ANKDD1A: variants seen among roughly 807,000 people sequenced by gnomAD.
The protein encoded by ANKDD1A is ankyrin repeat and death domain-containing protein 1A.
ANKDD1A carries 59 observed loss-of-function variants against 63.5 expected under a neutral mutation model. That is an observed-to-expected ratio of 0.93 (90% CI 0.75 to 1.15). The LOEUF (loss-of-function observed/expected upper bound fraction) is 1.15. ANKDD1A is among the 50% of genes most tolerant of loss of function. ANKDD1A has a pLI of 0.00. For missense variants in ANKDD1A, 632 were observed against 656.4 expected, an observed-to-expected ratio of 0.96 and a Z score of 0.41; for synonymous variants, 266 against 263.9, an observed-to-expected ratio of 1.01 and a Z score of -0.08.
rs2085300758 is a variant in ANKDD1A at position 64,952,186 on chromosome 15, AC to A, written c.1483+2215del. Among the ~76,000 whole-genome samples, 3 of 115,254 alleles carry A rather than the reference AC, an allele frequency of 2.6e-5. No individual in the cohort carries two copies. The Admixed American group carries it at 2.7e-4, about 10-fold the overall frequency. 75.6% of individuals were successfully genotyped at this position (115,254 alleles called of 152,430 possible). A position where few individuals can be genotyped will look rare whatever the true frequency, so the allele number is the denominator to read the frequency against. ...ATCTTTTTCTTTCTTCTTTCCTTCT[AC>A]TTTTTCTTCTTCTTCTTTCCTCTTT... On this transcript the variant is annotated intron_variant, in intron 14 of 14. Coordinates refer to ENST00000319580, the MANE Select transcript of ANKDD1A (RefSeq NM_182703.6).
At chr15:64,938,112 TATAA>T (rs913464728) in intron 9 of ANKDD1A, among the ~76,000 whole-genome samples, 17 of 152,232 alleles carry the variant, frequency 1.1e-4, no homozygotes, top group Non-Finnish European at 2.2e-4. Flanking sequence ...TCCATACTGA[TATAA>T]ATAAATGATT....
intron 12 of ANKDD1A, 55 bp downstream of exon 12, chr15:64,944,802 C>T: frequency 1.9e-6 from 3 of 1,583,202 alleles, no homozygotes; most frequent in Non-Finnish European, 2.6e-6. Context: ...GATTTTGGCT[C>T]CAGATGGAGC....
chr15:64,953,556 T>TTCTTAG (rs2085346814), intron 14 of ANKDD1A, among the ~76,000 whole-genome samples: 1 of 80,150 alleles, frequency 1.2e-5, no homozygotes, highest in South Asian at 5.9e-4. Flanking sequence ...CTTCTCCTTC[T>TTCTTAG]TTCTTCCTCC....
chr15:64,936,317 G>A (rs1254373311), intron 9 of ANKDD1A, among the ~76,000 whole-genome samples: 3 of 151,994 alleles, frequency 2.0e-5, no homozygotes, highest in African/African-American at 7.2e-5. Flanking sequence ...ATGCTTACTT[G>A]TTTCTGCCCA....
chr15:64,947,813 CA>C (rs764199886), intron 13 of ANKDD1A, among the ~76,000 whole-genome samples: 1 of 152,194 alleles, frequency 6.6e-6, no homozygotes, highest in Non-Finnish European at 1.5e-5. Flanking sequence ...CATTCTTCAC[CA>C]ATCAGCCCAA....
chr15:64,913,658 A>G (rs1173938165), intron 1 of ANKDD1A, among the ~76,000 whole-genome samples: 1 of 152,120 alleles, frequency 6.6e-6, no homozygotes, highest in East Asian at 1.9e-4. Context: ...AAAGCTCAAG[A>G]TCCTCTTTCT....
chr15:64,931,755 G>C (rs2085093654), intron 8 of ANKDD1A, 170 bp downstream of exon 8: 1 of 677,618 alleles, frequency 1.5e-6, no homozygotes, highest in Admixed American at 2.6e-5. Flanking sequence ...CCTGGAGCAA[G>C]TTACTTAACC....
intron 1 of ANKDD1A, among the ~76,000 whole-genome samples, chr15:64,914,848 A>G (rs2084957661): frequency 6.6e-6 from 1 of 152,206 alleles, no homozygotes; most frequent in African/African-American, 2.4e-5. Flanking sequence ...TGTGCGTGAC[A>G]GGGGTTGGCA....
At chr15:64,934,808 T>C (rs918510098) in intron 9 of ANKDD1A, among the ~76,000 whole-genome samples, 2 of 151,944 alleles carry the variant, frequency 1.3e-5, no homozygotes, top group African/African-American at 4.8e-5. Context: ...TGAGTCACTG[T>C]GCCAAGCCTA....
At chr15:64,939,409 G>A (rs1388776395) in intron 9 of ANKDD1A, among the ~76,000 whole-genome samples, 1 of 151,928 alleles carries the variant, frequency 6.6e-6, no homozygotes, top group Admixed American at 6.6e-5. Flanking sequence ...TTGAGGTTAG[G>A]AGTTCAAGAC....
chr15:64,949,607 T>C (rs2085252969), intron 13 of ANKDD1A, among the ~76,000 whole-genome samples: 1 of 152,192 alleles, frequency 6.6e-6, no homozygotes, highest in Non-Finnish European at 1.5e-5. Context: ...GGGGAGGTTC[T>C]AGAGACCAAG....
intron 14 of ANKDD1A, among the ~76,000 whole-genome samples, chr15:64,953,781 C>T (rs1479066927): frequency 1.4e-5 from 2 of 140,222 alleles, no homozygotes; most frequent in African/African-American, 5.3e-5. Flanking sequence ...TCCCTCTTTT[C>T]TTTCTTCTGC....
At chr15:64,913,963 T>C (rs1350759085) in intron 1 of ANKDD1A, 1 of 151,600 alleles carries the variant, frequency 6.6e-6, no homozygotes, top group Admixed American at 6.6e-5. Context: ...GTGTCACTCA[T>C]ACAAGCAGAG....
At chr15:64,937,696 C>G (rs939968667) in intron 9 of ANKDD1A, among the ~76,000 whole-genome samples, 1 of 151,820 alleles carries the variant, frequency 6.6e-6, no homozygotes, top group African/African-American at 2.4e-5. Context: ...CCACTGTACT[C>G]CAGCCTGGAT....
chr15:64,951,516 CTGTT>C (rs1274518495), intron 14 of ANKDD1A: 3 of 107,378 alleles, frequency 2.8e-5, no homozygotes, highest in African/African-American at 1.1e-4. Flanking sequence ...TTCCTTCTTC[CTGTT>C]TTCTTCTTCC....
At chr15:64,953,838 CTTCTT>C (rs1352328519) in intron 14 of ANKDD1A, among the ~76,000 whole-genome samples, 3 of 11,740 alleles carry the variant, frequency 2.6e-4, no homozygotes, top group African/African-American at 3.7e-4. Context: ...CTTCTTTCCT[CTTCTT>C]TTCTTCTTTC....
In ANKDD1A at chr15:64,934,666, ATT is replaced by A. The variant is rs557531003; in HGVS notation, c.867+449_867+450del. 4.0e-3 allele frequency among the ~76,000 whole-genome samples: 476 copies of A among 119,888 alleles called. 2 individuals are homozygous for A. The highest frequency in any genetic ancestry group is 0.015 in the South Asian group (56 of 3,620). The allele number at this position is 119,888 out of a possible 152,430, so 78.7% of individuals were successfully genotyped here. A position where few individuals can be genotyped will look rare whatever the true frequency, so the allele number is the denominator to read the frequency against. On this transcript the variant is annotated intron_variant, in intron 9 of 14. Coordinates refer to ENST00000319580, the MANE Select transcript of ANKDD1A (RefSeq NM_182703.6). ...AGGCACACACCACCATGCCCAGCTAATTTTTTTTTTTTTTTTTTGTATTTTTG... is the reference window on the plus strand; with the variant it reads ...AGGCACACACCACCATGCCCAGCTAATTTTTTTTTTTTTTTTGTATTTTTG...
intron 13 of ANKDD1A, among the ~76,000 whole-genome samples, chr15:64,948,992 T>C (rs1280797018): frequency 6.6e-6 from 1 of 152,110 alleles, no homozygotes; most frequent in Non-Finnish European, 1.5e-5. Flanking sequence ...AGATAGTTAA[T>C]AAATGGTGTT....
chr15:64,942,326 G>T (rs2085190493), intron 9 of ANKDD1A, 141 bp from the exon 10 acceptor site: 2 of 544,364 alleles, frequency 3.7e-6, no homozygotes, highest in South Asian at 5.7e-5. Flanking sequence ...AATTGCCTAA[G>T]GCCACCCATG....
Sources: allele counts gnomAD v4.1 joint callset (sites outside exome capture counted in the v4.1 genomes callset), GRCh38; gene constraint gnomAD v4.1.1; transcripts MANE v1.5; gene names NCBI Gene and HGNC (gene_info 2026-07-23, HGNC 2026-07-21).